NEBL: variants seen among roughly 807,000 people sequenced by gnomAD.
NEBL encodes nebulette.
Under a neutral mutation model 140.2 loss-of-function variants are expected in NEBL, and 122 were observed. The ratio of observed to expected loss-of-function variants is 0.87; its 90% CI spans 0.75 to 1.01. The LOEUF (loss-of-function observed/expected upper bound fraction) is 1.01. Ranked by LOEUF, NEBL falls within the 50% of genes least tolerant of loss-of-function variation. The pLI is 0.00. For missense variants in NEBL, 1,365 were observed against 1,231.3 expected, an observed-to-expected ratio of 1.11 and a Z score of -1.62; for synonymous variants, 436 against 398.9, an observed-to-expected ratio of 1.09 and a Z score of -1.11.
At chr10:20,936,346 C>A (rs1834483412) in intron 4 of NEBL, among the ~76,000 whole-genome samples, 1 of 152,190 alleles carries the variant, frequency 6.6e-6, no homozygotes, top group African/African-American at 2.4e-5. Flanking sequence ...AAGATGTGGG[C>A]ATCAGAACTC....
chr10:21,100,033 A>G (rs527504425), intron 2 of NEBL, among the ~76,000 whole-genome samples: 7 of 152,346 alleles, frequency 4.6e-5, no homozygotes, highest in Non-Finnish European at 8.8e-5. Context: ...AAACACGCCC[A>G]ATAACCTGGC....
chr10:21,238,771 A>G (rs1564547987), intron 3 of NEBL, among the ~76,000 whole-genome samples: 1 of 151,594 alleles, frequency 6.6e-6, no homozygotes, highest in Non-Finnish European at 1.5e-5. Flanking sequence ...GAGGAGGAAA[A>G]GAAGAAATGG....
At chr10:21,171,675 G>A (rs2132184485) in intron 2 of NEBL, 1 of 154,304 alleles carries the variant, frequency 6.5e-6, no homozygotes, top group South Asian at 2.0e-4. Flanking sequence ...TTAGAACAGA[G>A]CTTGACACAC....
At chr10:20,964,722 T>A (rs1836215623) in intron 3 of NEBL, among the ~76,000 whole-genome samples, 1 of 152,134 alleles carries the variant, frequency 6.6e-6, no homozygotes, top group Admixed American at 6.5e-5. Flanking sequence ...CTAGTTTAAC[T>A]GGCTGTAAAA....
chr10:20,812,739 C>T, intron 24 of NEBL, 30 bp downstream of exon 24: 1 of 1,613,048 alleles, frequency 6.2e-7, no homozygotes, highest in South Asian at 1.1e-5. Flanking sequence ...TTCGACCACA[C>T]ACACCGGCCG....
intron 1 of NEBL, among the ~76,000 whole-genome samples, chr10:21,283,630 A>T (rs956180644): frequency 6.6e-6 from 1 of 152,264 alleles, no homozygotes; most frequent in East Asian, 1.9e-4. Flanking sequence ...ATTCCATGTA[A>T]CACACCCAGC....
intron 10 of NEBL, among the ~76,000 whole-genome samples, 181 bp from the exon 11 acceptor site, chr10:20,850,683 T>A (rs1215460442): frequency 6.6e-6 from 1 of 152,198 alleles, no homozygotes; most frequent in Non-Finnish European, 1.5e-5. Flanking sequence ...AAACAGGTAA[T>A]ATAAAATATC....
chr10:21,239,667 T>G (rs1474678168), intron 3 of NEBL, among the ~76,000 whole-genome samples: 1 of 152,144 alleles, frequency 6.6e-6, no homozygotes, highest in Non-Finnish European at 1.5e-5. Flanking sequence ...GGACTGCCAG[T>G]GCAAATGTGA....
At chr10:21,113,304 A>C (rs1306959539) in intron 2 of NEBL, 48 of 337,024 alleles carry the variant, frequency 1.4e-4, no homozygotes, top group South Asian at 1.3e-3. Flanking sequence ...AAAAAAAAAA[A>C]AACCAGGAAA....
chr10:20,846,408 C>T (rs1564377549), intron 11 of NEBL, among the ~76,000 whole-genome samples: 1 of 151,966 alleles, frequency 6.6e-6, no homozygotes, highest in Non-Finnish European at 1.5e-5. Context: ...GTCTCTAAAC[C>T]ATGAAGGAGA....
At chr10:21,153,885 G>A (rs1297901545) in intron 2 of NEBL, among the ~76,000 whole-genome samples, 1 of 152,164 alleles carries the variant, frequency 6.6e-6, no homozygotes, top group Non-Finnish European at 1.5e-5. Context: ...AAGTTAAGAT[G>A]TAGGACCTCG....
At chr10:20,940,805 C>T (rs938712222) in intron 4 of NEBL, among the ~76,000 whole-genome samples, 39 of 152,102 alleles carry the variant, frequency 2.6e-4, no homozygotes, top group Non-Finnish European at 8.8e-5. Flanking sequence ...ATACTATAAA[C>T]ACCTCTACGC....
chr10:20,817,647 G>T lies in NEBL; in HGVS notation c.2101C>A (p.Pro701Thr), dbSNP rs371551337. The T allele has an allele frequency of 3.0e-5, 48 of 1,613,816 alleles. No homozygotes were observed. In the African/African-American group the frequency reaches 6.4e-4, roughly 22 times the overall value. Residue 701 changes from proline (P) to threonine (T), a missense_variant, in exon 21 of 28, where the codon CCA becomes ACA. Physicochemically the swap from Pro to Thr is conservative, Grantham distance 38 (BLOSUM62 -1). Coordinates refer to ENST00000377122, the MANE Select transcript of NEBL (RefSeq NM_006393.3). ...ELQRGTAISDPPELKRAKENQ... is the reference protein window; with the variant it reads ...ELQRGTAISDTPELKRAKENQ... The stretch of plus-strand genomic sequence containing the variant: ...TCTTTTGCCCTCTTCAGCTCTGGTG[G>T]ATCAGAAATTGCAGTTCCCCGTTGA...
chr10:21,064,136 G>C (rs1012508139), intron 2 of NEBL, among the ~76,000 whole-genome samples: 5 of 152,116 alleles, frequency 3.3e-5, no homozygotes, highest in South Asian at 2.1e-4. Flanking sequence ...TTGTTTTGCT[G>C]TGTCTGTTGT....
chr10:21,256,670 A>C (rs1842663701), intron 1 of NEBL, among the ~76,000 whole-genome samples: 1 of 152,080 alleles, frequency 6.6e-6, no homozygotes, highest in Non-Finnish European at 1.5e-5. Flanking sequence ...GTCTCTAAAA[A>C]TATTTTGAGT....
At chr10:20,927,126 G>C (rs2131521237) in intron 4 of NEBL, among the ~76,000 whole-genome samples, 1 of 152,294 alleles carries the variant, frequency 6.6e-6, no homozygotes, top group Non-Finnish European at 1.5e-5. Context: ...GGATAACTAA[G>C]TTTCTACTCT....
intron 4 of NEBL, among the ~76,000 whole-genome samples, chr10:20,911,721 C>T (rs1848339061): frequency 1.3e-5 from 2 of 152,106 alleles, no homozygotes; most frequent in South Asian, 2.1e-4. Context: ...TGTAGCTATC[C>T]TTAGTGTATT....
chr10:20,882,701 C>T (rs758579080), intron 4 of NEBL, among the ~76,000 whole-genome samples: 6 of 151,392 alleles, frequency 4.0e-5, no homozygotes, highest in East Asian at 1.9e-4. Flanking sequence ...TGTGATAAGT[C>T]GGATTTTTAC....
intron 2 of NEBL, among the ~76,000 whole-genome samples, chr10:21,051,212 G>A (rs1399406226): frequency 1.3e-5 from 2 of 152,282 alleles, no homozygotes; most frequent in South Asian, 4.2e-4. Flanking sequence ...AGAGCTTTGC[G>A]AGGATTTATA....
Sources: allele counts gnomAD v4.1 joint callset (sites outside exome capture counted in the v4.1 genomes callset), GRCh38; gene constraint gnomAD v4.1.1; transcripts MANE v1.5; gene names NCBI Gene and HGNC (gene_info 2026-07-23, HGNC 2026-07-21).